Variants in DEPDC4 observed in about 807,000 individuals in gnomAD.
DEPDC4 encodes DEP domain-containing protein 4.
In DEPDC4, 52 loss-of-function variants were observed where a neutral mutation model predicts 52.0. That is an observed-to-expected ratio of 1.00 (90% CI 0.80 to 1.26). DEPDC4 has a LOEUF of 1.26. Among genes scored for constraint, DEPDC4 ranks in the 50% most tolerant of loss-of-function variants. The probability of loss-of-function intolerance (pLI) is 0.00; values close to 1 mark genes in which losing one functional copy is unlikely to be tolerated. For synonymous variants in DEPDC4, 201 were observed against 196.8 expected (o/e 1.02, Z -0.18); for missense variants, 530 against 546.9 (o/e 0.97, Z 0.31).
chr12:100,266,908 A>T lies in DEPDC4; in HGVS notation c.157+12T>A. 1 of 1,611,872 alleles carries T rather than the reference A, an allele frequency of 6.2e-7. No individual in the cohort carries two copies. The highest frequency in any genetic ancestry group is 8.5e-7 in the Non-Finnish European group (1 of 1,178,816). ...CCTTCACTGCACATTTGGCTAGGATATACAGGGCTACCTGTCCTCCTTTTC... is the reference window on the plus strand; with the variant it reads ...CCTTCACTGCACATTTGGCTAGGATTTACAGGGCTACCTGTCCTCCTTTTC... On this transcript the variant is annotated intron_variant, in intron 1 of 9. Transcript: ENST00000550587.
At chr12:100,243,438 C>T (rs948577106) in intron 8 of DEPDC4, among the ~76,000 whole-genome samples, 4 of 152,168 alleles carry the variant, frequency 2.6e-5, no homozygotes, top group African/African-American at 9.7e-5. Flanking sequence ...ACAATATGGT[C>T]TCCTCCTACT....
At chr12:100,266,778 A>G in intron 1 of DEPDC4, 142 bp downstream of exon 1, 3 of 1,154,206 alleles carry the variant, frequency 2.6e-6, no homozygotes, top group Non-Finnish European at 3.6e-6. Flanking sequence ...CCCCCAGTCC[A>G]GTGCCTGGTA....
rs1026042622 is a variant in DEPDC4 at position 100,240,322 on chromosome 12, AT to A, written c.*1569del. 4.0e-5 allele frequency among the ~76,000 whole-genome samples: 6 copies of A among 149,552 alleles called. No individual in the cohort carries two copies. Among genetic ancestry groups the A allele is most frequent in the South Asian group, 2.1e-4 (1 of 4,724 alleles). ...GGTGTGGGCTGCCACACCTGGCTAA[AT>A]TTTTTTTTTGTAGTTTTTGTAGAGA... On this transcript the variant is annotated 3_prime_UTR_variant, in exon 10 of 10. Transcript: ENST00000550587.
rs1333395575 is a variant in DEPDC4 at position 100,263,987 on chromosome 12, A to G, written c.158-94T>C. The G allele has an allele frequency of 5.3e-6, 6 of 1,121,910 alleles. No homozygotes were observed. In the South Asian group the frequency reaches 9.9e-5, roughly 19 times the overall value. 69.5% of individuals were successfully genotyped at this position (1,121,910 alleles called of 1,614,324 possible). ...TGACAACCTTATGCTTGTTGAAGGC[A>G]TATCTGCTGGTAATGTCCTTCTTAC... On this transcript the variant is annotated intron_variant, in intron 1 of 9. Transcript: ENST00000550587.
the DEPDC4 span, among the ~76,000 whole-genome samples, chr12:100,281,211 T>C: frequency 6.6e-6 from 1 of 151,916 alleles, no homozygotes; most frequent in Non-Finnish European, 1.5e-5. Context: ...GAATTTTTTG[T>C]AGGGACAGGG....
At position 100,263,483 on chromosome 12, in the gene DEPDC4, T is replaced by C; in HGVS notation, c.554+14A>G. The C allele has an allele frequency of 2.6e-6, 4 of 1,549,948 alleles. No homozygotes were observed. Among genetic ancestry groups the C allele is most frequent in the Non-Finnish European group, 3.5e-6 (4 of 1,152,078 alleles). ...CTAAATAAAATATATTACAGTATCTTAGGTAACACTAACCTCAAGGTTTCA... is the reference window on the plus strand; with the variant it reads ...CTAAATAAAATATATTACAGTATCTCAGGTAACACTAACCTCAAGGTTTCA... On this transcript the variant is annotated intron_variant, in intron 2 of 9. Coordinates refer to ENST00000550587, the MANE Select transcript of DEPDC4 (RefSeq NM_001364818.2).
At chr12:100,273,954 A>G in the DEPDC4 span, among the ~76,000 whole-genome samples, 1 of 152,224 alleles carries the variant, frequency 6.6e-6, no homozygotes, top group East Asian at 1.9e-4. Context: ...ATGGTTTTAA[A>G]TAGAATTTTG....
chr12:100,278,753 C>T, the DEPDC4 span, among the ~76,000 whole-genome samples: 15 of 151,838 alleles, frequency 9.9e-5, no homozygotes, highest in South Asian at 2.5e-3. Flanking sequence ...CCTCAGCCTC[C>T]TGAGTAGCTG....
At chr12:100,277,988 AG>A in the DEPDC4 span, among the ~76,000 whole-genome samples, 1 of 152,130 alleles carries the variant, frequency 6.6e-6, no homozygotes, top group Non-Finnish European at 1.5e-5. Context: ...ATATAATGTA[AG>A]GATCTTTAAA....
the DEPDC4 span, among the ~76,000 whole-genome samples, chr12:100,277,655 G>C: frequency 1.3e-5 from 2 of 152,080 alleles, no homozygotes; most frequent in African/African-American, 4.8e-5. Context: ...TATCCAATTT[G>C]ATAATCTCTG....
chr12:100,235,075 A>G (rs1292007063), downstream of DEPDC4, among the ~76,000 whole-genome samples: 1 of 151,354 alleles, frequency 6.6e-6, no homozygotes, highest in African/African-American at 2.4e-5. Flanking sequence ...GTATATATAT[A>G]TATGTATATA....
At chr12:100,233,271 A>G (rs1332413382) in intron 9 of DEPDC4, among the ~76,000 whole-genome samples, 1 of 152,180 alleles carries the variant, frequency 6.6e-6, no homozygotes, top group Non-Finnish European at 1.5e-5. Flanking sequence ...ACATATATAT[A>G]ATTTTCATGT....
chr12:100,268,086 A>T (rs1028502795), upstream of DEPDC4, among the ~76,000 whole-genome samples: 6 of 152,224 alleles, frequency 3.9e-5, no homozygotes, highest in African/African-American at 1.4e-4. Context: ...TAAGGAGGCC[A>T]TATTATCAAA....
chr12:100,267,266 C>G, upstream of DEPDC4: 1 of 601,708 alleles, frequency 1.7e-6, no homozygotes, highest in South Asian at 2.2e-5. Context: ...GCCGCGGGGG[C>G]GGCGGAGGAT....
intron 9 of DEPDC4, among the ~76,000 whole-genome samples, 160 bp downstream of exon 9, chr12:100,242,324 CTT>C (rs746693169): frequency 3.2e-4 from 31 of 96,012 alleles, no homozygotes; most frequent in Non-Finnish European, 3.6e-4. Flanking sequence ...ACTATGAGGG[CTT>C]TTTTTTTTTT....
rs139794341 is a variant in DEPDC4 at position 100,249,657 on chromosome 12, T to C, written c.1375-679A>G. ...ACCAATCCCAAAGCTCACATCTAGA[T>C]AGCTCCTTCATCCTGGCTCGCAGGC... On this transcript the variant is annotated intron_variant, in intron 7 of 9. Transcript: ENST00000550587. Among the ~76,000 whole-genome samples the C allele has an allele frequency of 2.8e-3, 425 of 152,342 alleles. 2 individuals carry two copies. Among genetic ancestry groups the C allele is most frequent in the African/African-American group, 8.4e-3 (351 of 41,590 alleles).
intron 2 of DEPDC4, among the ~76,000 whole-genome samples, 157 bp from the exon 3 acceptor site, chr12:100,262,566 A>C (rs1304644904): frequency 1.3e-5 from 2 of 152,244 alleles, no homozygotes; most frequent in Non-Finnish European, 2.9e-5. Context: ...TTCATTTAAT[A>C]GACTATCACC....
rs2096154665 is a variant in DEPDC4, at chr12:100,240,610, G to A, written c.*1282C>T. Among the ~76,000 whole-genome samples the A allele has an allele frequency of 6.6e-6, 1 of 151,678 alleles. No individual in the cohort carries two copies. The highest frequency in any genetic ancestry group is 1.5e-5 in the Non-Finnish European group (1 of 68,030). ...AGGCAAGAAAAAAGTGAAAGAGCTGGAAAGAGAGAGAGAAAGAGGAAAGAA... is the reference window on the plus strand; with the variant it reads ...AGGCAAGAAAAAAGTGAAAGAGCTGAAAAGAGAGAGAGAAAGAGGAAAGAA... On this transcript the variant is annotated 3_prime_UTR_variant, in exon 10 of 10. Transcript: ENST00000550587.
chr12:100,258,964 G>T (rs1339628639), intron 3 of DEPDC4, among the ~76,000 whole-genome samples: 1 of 151,918 alleles, frequency 6.6e-6, no homozygotes, highest in Admixed American at 6.6e-5. Flanking sequence ...CCAGCTACTT[G>T]GGAGGCTGAG....
Sources: gnomAD v4.1 joint callset for allele counts (sites outside exome capture counted in the v4.1 genomes callset) on GRCh38, gnomAD v4.1.1 for gene constraint, MANE v1.5 for transcripts, NCBI Gene and HGNC (gene_info 2026-07-23, HGNC 2026-07-21) for gene names.